The following PTPRM variants were observed in gnomAD, a reference collection of about 807,000 sequenced individuals.
PTPRM encodes the protein protein tyrosine phosphatase receptor type M.
In PTPRM, 47 loss-of-function variants were observed where a neutral mutation model predicts 186.7. The ratio of observed to expected loss-of-function variants is 0.25; its 90% CI spans 0.20 to 0.32. The LOEUF is 0.32. Among genes scored for constraint, PTPRM ranks in the 10% least tolerant of loss-of-function variants. The pLI is 1.00. For missense variants in PTPRM, 1,494 were observed against 1,865.0 expected, an observed-to-expected ratio of 0.80 and a Z score of 3.66; for synonymous variants, 668 against 674.9, an observed-to-expected ratio of 0.99 and a Z score of 0.16.
At position 8,232,076 on chromosome 18, in the gene PTPRM, C is replaced by T. The variant is rs182912824; in HGVS notation, c.2301-11982C>T. ...CTCCTCTGTGCTCTGCCTGTTTATC[C>T]CTCCCTTTCCGTTAACCTTTGACAA... On this transcript the variant is annotated intron_variant, in intron 14 of 32. Coordinates refer to ENST00000580170, the MANE Select transcript of PTPRM (RefSeq NM_001105244.2). Among the ~76,000 whole-genome samples, 19 of 152,232 alleles carry T rather than the reference C, an allele frequency of 1.2e-4. No individual in the cohort carries two copies. In the East Asian group the frequency reaches 3.5e-3, roughly 28 times the overall value.
chr18:7,672,327 A>G (rs976276057), intron 1 of PTPRM, among the ~76,000 whole-genome samples: 1 of 152,232 alleles, frequency 6.6e-6, no homozygotes, highest in African/African-American at 2.4e-5. Context: ...AATCAAGTTA[A>G]GATTTTTGGG....
intron 14 of PTPRM, among the ~76,000 whole-genome samples, chr18:8,237,568 C>A (rs996315976): frequency 2.0e-5 from 3 of 151,462 alleles, no homozygotes; most frequent in Non-Finnish European, 4.4e-5. Flanking sequence ...CCTGCCTCAG[C>A]CTTCTGAGTA....
Position 8,253,352 on chromosome 18 carries a change from CTCCTTCAGCACA to C in PTPRM, c.2695_2706del (p.Leu899_Ile902del). Reference sequence around the variant, plus strand: ...CCACCCCGCCATCCGGGTGGCAGACCTCCTTCAGCACATCACACAGATGAAGTGTGCGGAGGG... The same window carrying C: ...CCACCCCGCCATCCGGGTGGCAGACCTCACACAGATGAAGTGTGCGGAGGG... On this transcript the variant is annotated inframe_deletion, in exon 19 of 33. Coordinates refer to ENST00000580170, the MANE Select transcript of PTPRM (RefSeq NM_001105244.2). 3 of 1,596,966 alleles carry C rather than the reference CTCCTTCAGCACA, an allele frequency of 1.9e-6. No homozygotes were observed. Among genetic ancestry groups the C allele is most frequent in the Non-Finnish European group, 2.6e-6 (3 of 1,171,962 alleles).
chr18:7,953,178 C>A (rs1418145792), intron 6 of PTPRM, among the ~76,000 whole-genome samples: 1 of 152,166 alleles, frequency 6.6e-6, no homozygotes, highest in East Asian at 1.9e-4. Context: ...TCTCAGGAAA[C>A]AAATGCATTA....
chr18:7,888,266 G>T lies in PTPRM; in HGVS notation c.357G>T (p.Lys119Asn). Residue 119 changes from lysine to asparagine, a missense_variant, in exon 3 of 33, where the codon AAG (lysine) becomes AAT (asparagine). Lys to Asn is a moderately conservative substitution (Grantham distance 94, BLOSUM62 0). Around this residue, in one of 3 missense-constraint regions of PTPRM, gnomAD observed 296 missense variants for 345.5 expected, o/e 0.86. Transcript: ENST00000580170. ...CGGGGTTACTCAATGTCTACGTGAA[G>T]GTCAATAACGGGCCACTGGGGAATC... is the stretch of plus-strand genomic sequence containing the variant. ...SPPGLLNVYV[K>N]VNNGPLGNPI... 6.2e-7 allele frequency: 1 copy of T among 1,614,102 alleles called. No homozygotes were observed. The highest frequency in any genetic ancestry group is 1.1e-5 in the South Asian group (1 of 91,074).
At chr18:7,918,086 G>T (rs755251817) in intron 4 of PTPRM, among the ~76,000 whole-genome samples, 1 of 115,902 alleles carries the variant, frequency 8.6e-6, no homozygotes, top group Admixed American at 7.9e-5. Context: ...GTTTGTGTGT[G>T]TGTGTGTGTG....
At chr18:7,672,821 G>A (rs766357776) in intron 1 of PTPRM, among the ~76,000 whole-genome samples, 27 of 152,166 alleles carry the variant, frequency 1.8e-4, no homozygotes, top group Non-Finnish European at 2.6e-4. Flanking sequence ...GACTTAAACA[G>A]CTCTAGGGAT....
At chr18:8,106,779 G>A (rs772571933) in intron 11 of PTPRM, among the ~76,000 whole-genome samples, 12 of 152,260 alleles carry the variant, frequency 7.9e-5, no homozygotes, top group Middle Eastern at 3.4e-3. Context: ...AAATATTAGC[G>A]CCTGAAGGGC....
chr18:7,708,157 T>C (rs1041831808), intron 1 of PTPRM, among the ~76,000 whole-genome samples: 3 of 152,190 alleles, frequency 2.0e-5, no homozygotes, highest in Non-Finnish European at 4.4e-5. Flanking sequence ...AAACAGAGGT[T>C]CAAGTATATA....
intron 7 of PTPRM, among the ~76,000 whole-genome samples, chr18:8,035,389 C>G (rs1471994443): frequency 6.6e-6 from 1 of 152,216 alleles, no homozygotes; most frequent in East Asian, 1.9e-4. Context: ...AAGACTGCCC[C>G]CCTCCTCCCC....
At chr18:8,241,164 CTAAAAA>C (rs2094431165) in intron 14 of PTPRM, among the ~76,000 whole-genome samples, 4 of 152,074 alleles carry the variant, frequency 2.6e-5, no homozygotes, top group Non-Finnish European at 4.4e-5. Flanking sequence ...CCCACCTCTA[CTAAAAA>C]TACAAAAATA....
intron 23 of PTPRM, among the ~76,000 whole-genome samples, chr18:8,353,567 G>A (rs2095547342): frequency 1.3e-5 from 2 of 152,066 alleles, no homozygotes. Flanking sequence ...GAGAACTTGA[G>A]AATGAACCAG....
At chr18:8,233,104 C>T (rs1006141230) in intron 14 of PTPRM, among the ~76,000 whole-genome samples, 1 of 152,210 alleles carries the variant, frequency 6.6e-6, no homozygotes, top group Admixed American at 6.5e-5. Context: ...ATCCTGCATT[C>T]ATGATAAACA....
At chr18:7,706,399 C>T (rs2040088933) in intron 1 of PTPRM, among the ~76,000 whole-genome samples, 1 of 151,646 alleles carries the variant, frequency 6.6e-6, no homozygotes, top group Non-Finnish European at 1.5e-5. Flanking sequence ...GAGTTTGACA[C>T]CAGCCTGGAC....
intron 1 of PTPRM, among the ~76,000 whole-genome samples, chr18:7,738,671 G>A (rs997338048): frequency 5.3e-5 from 8 of 150,722 alleles, no homozygotes; most frequent in Non-Finnish European, 8.8e-5. Context: ...TCGATCTCCT[G>A]ACCTCGAGAT....
chr18:8,343,242 A>G (rs1183319276), intron 22 of PTPRM, among the ~76,000 whole-genome samples, 181 bp from the exon 23 acceptor site: 3 of 152,224 alleles, frequency 2.0e-5, no homozygotes, highest in African/African-American at 7.2e-5. Context: ...GACAAATTTG[A>G]TATTTCTATA....
chr18:8,134,289 C>G (rs529770752), intron 13 of PTPRM, among the ~76,000 whole-genome samples: 1 of 152,282 alleles, frequency 6.6e-6, no homozygotes, highest in African/African-American at 2.4e-5. Context: ...ACAAATGCTT[C>G]TTGTGTCTTT....
At chr18:8,380,553 G>T in intron 29 of PTPRM, 126 bp downstream of exon 29, 1 of 1,142,700 alleles carries the variant, frequency 8.8e-7, no homozygotes, top group Non-Finnish European at 1.3e-6. Flanking sequence ...TTGAAGTTGA[G>T]AACTGGGGAT....
At chr18:7,890,136 T>C (rs1214762340) in intron 3 of PTPRM, among the ~76,000 whole-genome samples, 1 of 152,194 alleles carries the variant, frequency 6.6e-6, no homozygotes, top group Non-Finnish European at 1.5e-5. Context: ...TTGAAAATAC[T>C]CAATTAATGG....
Sources: gnomAD v4.1 joint callset for allele counts (sites outside exome capture counted in the v4.1 genomes callset) on GRCh38, gnomAD v4.1.1 for gene constraint, gnomAD v4.1.1 regional missense constraint, MANE v1.5 for transcripts, NCBI Gene and HGNC (gene_info 2026-07-23, HGNC 2026-07-21) for gene names.